The following HTR2C variants were observed in gnomAD, a reference collection of about 807,000 sequenced individuals.
The protein encoded by HTR2C is 5-hydroxytryptamine (serotonin) receptor 2C, G protein-coupled.
HTR2C carries 5 observed loss-of-function variants against 21.0 expected under a neutral mutation model. The ratio of observed to expected loss-of-function variants is 0.24; its 90% confidence interval spans 0.12 to 0.50. The LOEUF is 0.50. Among genes scored for constraint, HTR2C ranks in the 20% least tolerant of loss-of-function variants. The pLI is 0.98. For missense variants in HTR2C, 271 were observed against 371.2 expected (o/e 0.73, Z 2.22); for synonymous variants, 150 against 145.3 (o/e 1.03, Z -0.23).
intron 2 of HTR2C, among the ~76,000 whole-genome samples, chrX:114,686,815 A>C (rs1481424715): frequency 3.6e-5 from 4 of 111,500 alleles, no homozygotes; most frequent in African/African-American, 1.3e-4. Context: ...CCTCACCTTA[A>C]ATAAAAATAG....
chrX:114,701,075 A>G (rs1001543932), intron 2 of HTR2C, among the ~76,000 whole-genome samples: 6 of 112,201 alleles, frequency 5.3e-5, no homozygotes, highest in African/African-American at 1.3e-4. Context: ...ACTGGGTGGA[A>G]CCCACCACAG....
intron 5 of HTR2C, among the ~76,000 whole-genome samples, chrX:114,874,491 G>A (rs1478775562): frequency 9.1e-6 from 1 of 110,435 alleles, no homozygotes; most frequent in East Asian, 2.9e-4. Flanking sequence ...CAGGTATGAG[G>A]TGACAGCTCA....
chrX:114,670,394 CAAAAAA>C (rs35858180), intron 2 of HTR2C, among the ~76,000 whole-genome samples: 2 of 63,529 alleles, frequency 3.1e-5, no homozygotes, highest in Admixed American at 1.9e-4. Flanking sequence ...TACTCTGTCT[CAAAAAA>C]AAAAAAAAAA....
chrX:114,718,889 T>A (rs782261350), intron 2 of HTR2C, among the ~76,000 whole-genome samples: 53 of 103,877 alleles, frequency 5.1e-4, no homozygotes, highest in Non-Finnish European at 8.7e-4. Flanking sequence ...TTATATAAGT[T>A]GGTTGTAATT....
chrX:114,586,998 A>G lies in HTR2C; in HGVS notation c.-147+2339A>G, dbSNP rs1417687233. ...ACTTGGGAAGAGCAATAAAAGTAAA[A>G]TCTAAAAAGCCTAACATTCTAATAG... is the stretch of plus-strand genomic sequence containing the variant. On this transcript the variant is annotated intron_variant, in intron 1 of 5. Coordinates refer to ENST00000276198, the MANE Select transcript of HTR2C (RefSeq NM_000868.4). Among the ~76,000 whole-genome samples the G allele has an allele frequency of 3.6e-5, 4 of 111,226 alleles. No individual in the cohort carries two copies. In the East Asian group the frequency reaches 1.1e-3, roughly 31 times the overall value.
intron 2 of HTR2C, among the ~76,000 whole-genome samples, chrX:114,702,578 A>T (rs2147310750): frequency 9.0e-6 from 1 of 111,694 alleles, no homozygotes; most frequent in South Asian, 3.8e-4. Context: ...CATGGAAAGG[A>T]ACAACCGGTA....
intron 2 of HTR2C, chrX:114,651,444 A>C (rs1930569999): frequency 1.6e-5 from 2 of 124,049 alleles, no homozygotes; most frequent in South Asian, 3.8e-4. Context: ...CTTTTGGCTA[A>C]GTTTTTGACT....
intron 5 of HTR2C, among the ~76,000 whole-genome samples, chrX:114,899,268 C>G (rs2071319236): frequency 1.8e-5 from 2 of 111,689 alleles, no homozygotes; most frequent in African/African-American, 6.5e-5. Flanking sequence ...GAATTCCAAA[C>G]CAGTGGGTCT....
In HTR2C at chrX:114,638,955, G is replaced by A. The variant is rs1556405924; in HGVS notation, c.-80+25074G>A. ...GGACATTTGGATTGGTTCCAAGTCT[G>A]TTATTGTGAATAATGCCGCAATAAA... On this transcript the variant is annotated intron_variant, in intron 2 of 5. Coordinates refer to ENST00000276198, the MANE Select transcript of HTR2C (RefSeq NM_000868.4). Among the ~76,000 whole-genome samples the A allele has an allele frequency of 2.7e-5, 3 of 110,164 alleles. No homozygotes were observed. The Admixed American group carries it at 2.9e-4, about 11-fold the overall frequency.
At position 114,692,117 on chromosome X, in the gene HTR2C, A is replaced by C. The variant is rs782676438; in HGVS notation, c.-79-34741A>C. Among the ~76,000 whole-genome samples the C allele has an allele frequency of 2.7e-5, 3 of 111,921 alleles. No individual in the cohort carries two copies. In the South Asian group the frequency reaches 1.1e-3, roughly 41 times the overall value. On this transcript the variant is annotated intron_variant, in intron 2 of 5. Coordinates refer to ENST00000276198, the MANE Select transcript of HTR2C (RefSeq NM_000868.4). ...TTTGACTATTAGACAATCCCAGAAA[A>C]AGCATTTTGCTCATCTCTAAAATGT...
At chrX:114,693,252 C>T (rs1007011391) in intron 2 of HTR2C, among the ~76,000 whole-genome samples, 11 of 110,642 alleles carry the variant, frequency 9.9e-5, no homozygotes, top group African/African-American at 3.3e-4. Context: ...GAAAGAGATA[C>T]GGAAGAAGGA....
intron 5 of HTR2C, among the ~76,000 whole-genome samples, chrX:114,852,771 G>A (rs1452943842): frequency 8.5e-5 from 9 of 106,459 alleles, no homozygotes; most frequent in Admixed American, 3.1e-4. Flanking sequence ...AATTGTGTGT[G>A]TGTGTGTGTG....
intron 4 of HTR2C, among the ~76,000 whole-genome samples, chrX:114,750,180 G>A (rs1462295117): frequency 2.7e-5 from 3 of 111,060 alleles, no homozygotes; most frequent in Non-Finnish European, 5.7e-5. Context: ...CCCCATCATT[G>A]CATTTCAACT....
intron 5 of HTR2C, among the ~76,000 whole-genome samples, chrX:114,865,226 T>A (rs1332316651): frequency 2.0e-3 from 220 of 112,267 alleles, no homozygotes; most frequent in Non-Finnish European, 3.1e-3. Context: ...ATGTTGTTTG[T>A]ATCAATAGTT....
chrX:114,608,653 T>C (rs1556397848), intron 1 of HTR2C, among the ~76,000 whole-genome samples: 1 of 111,909 alleles, frequency 8.9e-6, no homozygotes, highest in Non-Finnish European at 1.9e-5. Flanking sequence ...AGTAATAAAA[T>C]TTTGTCTCTG....
intron 4 of HTR2C, among the ~76,000 whole-genome samples, chrX:114,737,229 C>CTTTTTT (rs200101973): frequency 1.0e-5 from 1 of 97,290 alleles, no homozygotes; most frequent in African/African-American, 3.9e-5. Flanking sequence ...CTTTTCTTTT[C>CTTTTTT]TTTTTTTTTT....
intron 5 of HTR2C, among the ~76,000 whole-genome samples, chrX:114,901,061 A>G (rs2071333628): frequency 8.9e-6 from 1 of 112,427 alleles, no homozygotes; most frequent in Non-Finnish European, 1.9e-5. Context: ...AGTTTCACAC[A>G]TGTACTGACA....
intron 4 of HTR2C, among the ~76,000 whole-genome samples, chrX:114,820,604 G>A (rs180687484): frequency 9.1e-6 from 1 of 110,227 alleles, no homozygotes; most frequent in East Asian, 2.9e-4. Context: ...AGGGACCCAG[G>A]GGGAGGTAAT....
chrX:114,648,666 C>T (rs782066623), intron 2 of HTR2C, among the ~76,000 whole-genome samples: 2 of 111,392 alleles, frequency 1.8e-5, no homozygotes, highest in East Asian at 2.9e-4. Context: ...AGGTTGAGGC[C>T]GCAGTGAGCC....
Sources: gnomAD v4.1 joint callset for allele counts (sites outside exome capture counted in the v4.1 genomes callset) on GRCh38, gnomAD v4.1.1 for gene constraint, MANE v1.5 for transcripts, NCBI Gene and HGNC (gene_info 2026-07-23, HGNC 2026-07-21) for gene names.